The following BPTF variants were observed in gnomAD, a reference collection of about 807,000 sequenced individuals.
The protein encoded by BPTF is bromodomain PHD finger transcription factor, also known as nucleosome-remodeling factor subunit BPTF.
A neutral mutation model predicts 292.5 loss-of-function variants in BPTF; 18 were observed. The observed-to-expected ratio is 0.06, with a 90% CI of 0.04 to 0.09. BPTF has a LOEUF of 0.09. BPTF is among the 10% of genes least tolerant of loss of function. The pLI is 1.00. For missense variants in BPTF, 2,726 were observed against 3,498.7 expected (o/e 0.78, Z 5.57); for synonymous variants, 1,225 against 1,251.9 (o/e 0.98, Z 0.45).
intron 18 of BPTF, among the ~76,000 whole-genome samples, chr17:67,933,941 G>A (rs1450922030): frequency 2.6e-5 from 4 of 151,884 alleles, no homozygotes. Context: ...CACCTTGGGA[G>A]GCTGAGGCAA....
At chr17:67,910,689 A>G (rs956693896) in intron 10 of BPTF, among the ~76,000 whole-genome samples, 188 bp from the exon 11 acceptor site, 1 of 152,076 alleles carries the variant, frequency 6.6e-6, no homozygotes, top group Non-Finnish European at 1.5e-5. Flanking sequence ...AATCCCAGCT[A>G]CTTGGGAGGC....
At chr17:67,920,670 C>T (rs1222975693) in intron 13 of BPTF, among the ~76,000 whole-genome samples, 1 of 152,044 alleles carries the variant, frequency 6.6e-6, no homozygotes, top group Non-Finnish European at 1.5e-5. Flanking sequence ...CTCAAGGAAG[C>T]AAAGTAAAGC....
intron 4 of BPTF, among the ~76,000 whole-genome samples, chr17:67,880,996 A>G (rs2060366108): frequency 6.6e-6 from 1 of 151,964 alleles, no homozygotes; most frequent in South Asian, 2.1e-4. Context: ...TATATTACAT[A>G]TATATATTTC....
chr17:67,936,341 G>T lies in BPTF; in HGVS notation c.6260-4098G>T, dbSNP rs150552568. Among the ~76,000 whole-genome samples the T allele has an allele frequency of 2.1e-3, 320 of 152,272 alleles. 2 individuals carry two copies. Among genetic ancestry groups the T allele is most frequent in the South Asian group, 0.015 (72 of 4,822 alleles). On this transcript the variant is annotated intron_variant, in intron 18 of 27. Coordinates refer to ENST00000306378, the MANE Select transcript of BPTF (RefSeq NM_182641.4). ...ATTTAATATCTATTATGTGAGACAG[G>T]TAGCTACTAGGAAAGAGAACTAATA...
chr17:67,867,785 A>C (rs1041005472), intron 3 of BPTF, among the ~76,000 whole-genome samples: 1 of 152,132 alleles, frequency 6.6e-6, no homozygotes, highest in African/African-American at 2.4e-5. Context: ...TCTTCTTATC[A>C]AGAGTGCATG....
rs2067801103 is a variant in BPTF, at chr17:67,964,362, G to A, written c.8412G>A (p.Glu2804=). 1 of 1,614,056 alleles carries A rather than the reference G, an allele frequency of 6.2e-7. No homozygotes were observed. Among genetic ancestry groups the A allele is most frequent in the South Asian group, 1.1e-5 (1 of 91,088 alleles). The change falls in exon 25 of 28, where the codon GAG becomes GAA. Residue 2804 remains glutamate (E), a synonymous_variant. Transcript: ENST00000306378. ...DAMTVLTPLT[E]KDYEGLKRVL... is the part of the protein sequence containing the mutation. ...TGACAGTGCTCACGCCACTAACAGA[G>A]AAGGATTATGAGGGGTTGAAGAGGG... is the stretch of plus-strand genomic sequence containing the variant.
chr17:67,911,238 C>T lies in BPTF; in HGVS notation c.3354C>T (p.Asp1118=), dbSNP rs1403289301. The change falls in exon 11 of 28, where the codon GAC becomes GAT. Residue 1118 remains aspartate (D), a synonymous_variant. Transcript: ENST00000306378. ...AAGCAAAAGAAGGGTGTCAGAGTGA[C>T]TCGATGAGACAAGAACAGAGCCCAA... ...ITKAKEGCQS[D]SMRQEQSPNA... is the part of the protein sequence containing the mutation. 1 of 1,614,012 alleles carries T rather than the reference C, an allele frequency of 6.2e-7. No individual in the cohort carries two copies. The highest frequency in any genetic ancestry group is 8.5e-7 in the Non-Finnish European group (1 of 1,179,980).
chr17:67,829,812 G>T (rs1235636577), intron 1 of BPTF, among the ~76,000 whole-genome samples: 1 of 152,116 alleles, frequency 6.6e-6, no homozygotes, highest in Non-Finnish European at 1.5e-5. Flanking sequence ...AAGTACTGAC[G>T]TGACATTCCT....
intron 1 of BPTF, among the ~76,000 whole-genome samples, chr17:67,842,216 T>C (rs2057609140): frequency 1.3e-5 from 2 of 152,118 alleles, no homozygotes; most frequent in African/African-American, 4.8e-5. Flanking sequence ...ATTGTATATA[T>C]ACATAGACAT....
intron 2 of BPTF, among the ~76,000 whole-genome samples, chr17:67,857,452 GC>G (rs1389693901): frequency 1.3e-5 from 2 of 151,326 alleles, no homozygotes; most frequent in African/African-American, 4.9e-5. Flanking sequence ...GAGCCACCGT[GC>G]CTGGACAGCA....
At chr17:67,835,892 C>G (rs1049963054) in intron 1 of BPTF, among the ~76,000 whole-genome samples, 3 of 151,994 alleles carry the variant, frequency 2.0e-5, no homozygotes, top group Non-Finnish European at 2.9e-5. Context: ...GTCTTGATTT[C>G]CTGACCTTGT....
At chr17:67,947,649 A>AT (rs2065911357) in intron 21 of BPTF, 77 bp from the exon 22 acceptor site, 2 of 1,109,270 alleles carry the variant, frequency 1.8e-6, no homozygotes, top group Non-Finnish European at 2.5e-6. Context: ...ATGTGCTCAA[A>AT]TTTCTACTGT....
intron 4 of BPTF, among the ~76,000 whole-genome samples, chr17:67,875,316 A>G (rs2059989320): frequency 1.3e-5 from 2 of 152,166 alleles, no homozygotes; most frequent in Non-Finnish European, 2.9e-5. Flanking sequence ...ACACTTTTGT[A>G]TGTGATAAAA....
intron 18 of BPTF, among the ~76,000 whole-genome samples, chr17:67,934,656 A>T (rs4791300): frequency 6.6e-6 from 1 of 151,526 alleles, no homozygotes; most frequent in Non-Finnish European, 1.5e-5. Flanking sequence ...GGTGGATCAC[A>T]AGGTCAAGAG....
At chr17:67,964,808 GC>G (rs1359576114) in intron 25 of BPTF, among the ~76,000 whole-genome samples, 2 of 151,696 alleles carry the variant, frequency 1.3e-5, no homozygotes, top group African/African-American at 4.8e-5. Flanking sequence ...GACCATCCTG[GC>G]TAACACGGTG....
intron 19 of BPTF, among the ~76,000 whole-genome samples, chr17:67,943,005 C>T (rs961519104): frequency 2.6e-5 from 4 of 152,090 alleles, no homozygotes; most frequent in Admixed American, 6.5e-5. Context: ...GAATATTGCT[C>T]CTGAGTTTGT....
rs1568051066 is a variant in BPTF at position 67,912,528 on chromosome 17, T to C, written c.4644T>C (p.Pro1548=). 1 of 1,613,996 alleles carries C rather than the reference T, an allele frequency of 6.2e-7. No homozygotes were observed. Among genetic ancestry groups the C allele is most frequent in the East Asian group, 2.2e-5 (1 of 44,890 alleles). ...TSEVKKVTSS[P]ITSEEESNLS... ...AAGTTAAGAAAGTTACTTCATCACC[T>C]ATTACTTCTGAAGAGGAATCTAATC... The change falls in exon 11 of 28, where the codon CCT becomes CCC. Residue 1548 remains proline, a synonymous_variant. Coordinates refer to ENST00000306378, the MANE Select transcript of BPTF (RefSeq NM_182641.4).
intron 21 of BPTF, 118 bp from the exon 22 acceptor site, chr17:67,947,608 A>G: frequency 1.3e-6 from 1 of 764,614 alleles, no homozygotes; most frequent in Non-Finnish European, 2.0e-6. Flanking sequence ...TTACGATATA[A>G]AATTCTTACA....
At chr17:67,981,407 T>C (rs1489355860) in intron 27 of BPTF, 28 of 1,005,790 alleles carry the variant, frequency 2.8e-5, no homozygotes, top group Non-Finnish European at 3.3e-5. Flanking sequence ...TCATCATTTA[T>C]ACCATCCATA....
Sources: gnomAD v4.1 joint callset for allele counts (sites outside exome capture counted in the v4.1 genomes callset) on GRCh38, gnomAD v4.1.1 for gene constraint, MANE v1.5 for transcripts, NCBI Gene and HGNC (gene_info 2026-07-23, HGNC 2026-07-21) for gene names.